NOL11: variants seen among roughly 807,000 people sequenced by gnomAD.
NOL11 encodes nucleolar protein 11.
In NOL11, 42 loss-of-function variants were observed where a neutral mutation model predicts 93.0. That is an observed-to-expected ratio of 0.45 (90% CI 0.35 to 0.58). The LOEUF is 0.58. NOL11 is among the 20% of genes least tolerant of loss of function. NOL11 has a pLI of 0.00. For synonymous variants in NOL11, 296 were observed against 293.7 expected (o/e 1.01, Z -0.08); for missense variants, 775 against 841.8 (o/e 0.92, Z 0.98).
chr17:67,726,698 G>A (rs780556294), intron 7 of NOL11, 50 bp downstream of exon 7: 1 of 1,350,006 alleles, frequency 7.4e-7, no homozygotes, highest in Non-Finnish European at 1.0e-6. Flanking sequence ...TTCCTTCACG[G>A]TGTACCTTTT....
intron 7 of NOL11, among the ~76,000 whole-genome samples, chr17:67,729,053 G>C (rs1414686268): frequency 6.6e-6 from 1 of 151,422 alleles, no homozygotes; most frequent in Non-Finnish European, 1.5e-5. Flanking sequence ...AGGAGTCACT[G>C]GTGTTCGTTG....
rs570205010 is a variant in NOL11 at position 67,744,375 on chromosome 17, A to G, written c.*516A>G. On this transcript the variant is annotated 3_prime_UTR_variant, in exon 18 of 18. Coordinates refer to ENST00000253247, the MANE Select transcript of NOL11 (RefSeq NM_015462.5). The stretch of plus-strand genomic sequence containing the variant: ...TGCGGTCTCCCCTGTCCTTTAGGAC[A>G]AATGAAAAGTTCAAGTGTGATTCTA... 1 of 152,364 alleles carries G rather than the reference A, an allele frequency of 6.6e-6. No homozygotes were observed. Among genetic ancestry groups the G allele is most frequent in the East Asian group, 1.9e-4 (1 of 5,188 alleles). The allele number at this position is 152,364 out of a possible 1,614,324, so 9.4% of individuals were successfully genotyped here. A position where few individuals can be genotyped will look rare whatever the true frequency, so the allele number is the denominator to read the frequency against.
chr17:67,723,976 T>G (rs2055061592), intron 5 of NOL11, 73 bp from the exon 6 acceptor site: 1 of 1,071,720 alleles, frequency 9.3e-7, no homozygotes, highest in Non-Finnish European at 1.3e-6. Flanking sequence ...GGGTGACAAC[T>G]TCTGGTTTTA....
rs931980227 is a variant in NOL11, at chr17:67,736,766, A to G, written c.1143+12A>G. 2 of 1,582,484 alleles carry G rather than the reference A, an allele frequency of 1.3e-6. No individual in the cohort carries two copies. Among genetic ancestry groups the G allele is most frequent in the African/African-American group, 1.3e-5 (1 of 74,122 alleles). On this transcript the variant is annotated intron_variant, in intron 10 of 17. Coordinates refer to ENST00000253247, the MANE Select transcript of NOL11 (RefSeq NM_015462.5). ...AGTCAAGAAGAATTGTAAGTTTCGTAGTTGAAATTGAAACATTAGTGCAAA... is the reference window on the plus strand; with the variant it reads ...AGTCAAGAAGAATTGTAAGTTTCGTGGTTGAAATTGAAACATTAGTGCAAA...
Position 67,735,939 on chromosome 17 carries a change from A to G in NOL11, c.970A>G (p.Lys324Glu), listed in dbSNP as rs2055197871. The change falls in exon 9 of 18, where the codon AAA (lysine) becomes GAA (glutamate). Residue 324 changes from lysine (K) to glutamate (E), a missense_variant. Coordinates refer to ENST00000253247, the MANE Select transcript of NOL11 (RefSeq NM_015462.5). ...YGEHLFMLHG[K>E]SLTVIPYKCE... ...AGAACATTTGTTTATGCTACATGGA[A>G]AATCTCTAACTGTGATTCCATACAA... The G allele has an allele frequency of 6.2e-7, 1 of 1,612,164 alleles. No individual in the cohort carries two copies. Among genetic ancestry groups the G allele is most frequent in the Non-Finnish European group, 8.5e-7 (1 of 1,179,040 alleles).
Position 67,726,664 on chromosome 17 carries a change from T to C in NOL11, c.853+16T>C, listed in dbSNP as rs763873013. 6.4e-7 allele frequency: 1 copy of C among 1,556,220 alleles called. No homozygotes were observed. The highest frequency in any genetic ancestry group is 8.7e-7 in the Non-Finnish European group (1 of 1,153,152). On this transcript the variant is annotated intron_variant, in intron 7 of 17. Transcript: ENST00000253247. Reference sequence around the variant, plus strand: ...GCTTCTAAGGGTAACTGACATCCAATTCATTAAGAAGGCCTTTGTATGTTT... The same window carrying C: ...GCTTCTAAGGGTAACTGACATCCAACTCATTAAGAAGGCCTTTGTATGTTT...
chr17:67,736,169 G>A (rs979825700), intron 9 of NOL11, 146 bp downstream of exon 9: 1 of 737,104 alleles, frequency 1.4e-6, no homozygotes, highest in African/African-American at 1.8e-5. Flanking sequence ...GAACAGGCCA[G>A]GCACGGTGTC....
At chr17:67,735,168 G>T (rs2055189581) in intron 8 of NOL11, among the ~76,000 whole-genome samples, 1 of 152,158 alleles carries the variant, frequency 6.6e-6, no homozygotes, top group Non-Finnish European at 1.5e-5. Context: ...AGGGTTCCTT[G>T]TGAGTTTTTT....
At chr17:67,736,588 A>T (rs560711630) in intron 9 of NOL11, 78 bp from the exon 10 acceptor site, 39 of 867,304 alleles carry the variant, frequency 4.5e-5, no homozygotes, top group South Asian at 1.1e-4. Context: ...GGTTTTTTTT[A>T]AATTGTTCTT....
intron 5 of NOL11, 97 bp from the exon 6 acceptor site, chr17:67,723,952 A>T: frequency 1.3e-6 from 1 of 763,072 alleles, no homozygotes; most frequent in Non-Finnish European, 2.1e-6. Context: ...GTACTCATTG[A>T]TGTAAGTAGA....
chr17:67,718,014 C>T lies in NOL11; in HGVS notation c.67C>T (p.Leu23=), dbSNP rs2043188720. ...CCTGAGCGCCGGGCCTGAAGGACTC[C>T]TAGGCGTGGAGCAGAGCGACAAAAC... The part of the protein sequence containing the change: ...VVLSAGPEGL[L]GVEQSDKTDQ... Residue 23 remains leucine (L), a synonymous_variant, in exon 1 of 18, where the codon CTA becomes TTA. Transcript: ENST00000253247. The T allele has an allele frequency of 3.7e-6, 6 of 1,614,206 alleles. No individual in the cohort carries two copies. Among genetic ancestry groups the T allele is most frequent in the Non-Finnish European group, 5.1e-6 (6 of 1,180,026 alleles).
chr17:67,732,678 G>A (rs11658554), intron 7 of NOL11, among the ~76,000 whole-genome samples: 133,741 of 151,150 alleles, frequency 0.88, 59,212 homozygotes, highest in East Asian at 0.95. Flanking sequence ...CGTTCAAGCA[G>A]TTCTCCTGCC....
intron 7 of NOL11, among the ~76,000 whole-genome samples, chr17:67,732,993 C>G (rs1034615873): frequency 2.0e-5 from 3 of 152,122 alleles, no homozygotes; most frequent in African/African-American, 7.2e-5. Flanking sequence ...TAATGCTAAT[C>G]TTTTCCTGTG....
At position 67,738,926 on chromosome 17, in the gene NOL11, C is replaced by T; in HGVS notation, c.1764-6C>T. 1 of 1,596,366 alleles carries T rather than the reference C, an allele frequency of 6.3e-7. No homozygotes were observed. The highest frequency in any genetic ancestry group is 1.7e-4 in the Middle Eastern group (1 of 6,002). On this transcript the variant is annotated splice_polypyrimidine_tract_variant and splice_region_variant and intron_variant, in intron 14 of 17. Coordinates refer to ENST00000253247, the MANE Select transcript of NOL11 (RefSeq NM_015462.5). ...TGTTGAAGTACGATTTTCCTTTAGT[C>T]CTAAGTAATGCAATTCTTCATTCAG...
intron 14 of NOL11, 136 bp from the exon 15 acceptor site, chr17:67,738,796 G>A (rs2055227727): frequency 1.6e-6 from 1 of 606,850 alleles, no homozygotes; most frequent in East Asian, 2.8e-5. Context: ...TTAGGAGAGT[G>A]TTTGGTGATA....
chr17:67,731,958 C>A (rs2055157904), intron 7 of NOL11, among the ~76,000 whole-genome samples: 1 of 152,172 alleles, frequency 6.6e-6, no homozygotes, highest in Non-Finnish European at 1.5e-5. Context: ...AGGCCCCTTA[C>A]AATTATTCCA....
intron 16 of NOL11, chr17:67,740,900 CT>C (rs34886243): frequency 0.82 from 124,304 of 150,750 alleles, 51,330 homozygotes; most frequent in East Asian, 0.95. Context: ...AAAATAACTT[CT>C]TTTTTTTTTT....
intron 6 of NOL11, among the ~76,000 whole-genome samples, chr17:67,725,656 G>A (rs996533739): frequency 1.3e-5 from 2 of 152,200 alleles, no homozygotes; most frequent in Non-Finnish European, 2.9e-5. Context: ...ACTTTGAAGT[G>A]AGGAAGTGTG....
chr17:67,725,763 G>A (rs139982550), intron 6 of NOL11, among the ~76,000 whole-genome samples: 6 of 152,210 alleles, frequency 3.9e-5, no homozygotes, highest in African/African-American at 9.6e-5. Flanking sequence ...ATTTCATAAG[G>A]TTTTCAGGGT....
Sources: gnomAD v4.1 joint callset for allele counts (sites outside exome capture counted in the v4.1 genomes callset) on GRCh38, gnomAD v4.1.1 for gene constraint, MANE v1.5 for transcripts, NCBI Gene and HGNC (gene_info 2026-07-23, HGNC 2026-07-21) for gene names.